Variants in ZNF516 observed in about 807,000 individuals in gnomAD.
ZNF516 encodes zinc finger protein 516.
Under a neutral mutation model 79.7 loss-of-function variants are expected in ZNF516, and 19 were observed. The ratio of observed to expected loss-of-function variants is 0.24; its 90% CI spans 0.17 to 0.35. ZNF516 has a LOEUF of 0.35. ZNF516 is among the 10% of genes least tolerant of loss of function. The pLI is 1.00. For synonymous variants in ZNF516, 877 were observed against 739.5 expected, an observed-to-expected ratio of 1.19 and a Z score of -3.02; for missense variants, 1,678 against 1,679.5, an observed-to-expected ratio of 1.00 and a Z score of 0.02.
intron 2 of ZNF516, among the ~76,000 whole-genome samples, chr18:76,458,039 A>G (rs188964279): frequency 6.6e-6 from 1 of 152,292 alleles, no homozygotes; most frequent in African/African-American, 2.4e-5. Flanking sequence ...TGCCTCACAC[A>G]TCAGGCGCAC....
intron 3 of ZNF516, among the ~76,000 whole-genome samples, chr18:76,416,449 G>T (rs1307143854): frequency 6.6e-6 from 1 of 152,158 alleles, no homozygotes; most frequent in Non-Finnish European, 1.5e-5. Context: ...TAACCAAGGA[G>T]GTATAAGTTA....
intron 3 of ZNF516, among the ~76,000 whole-genome samples, chr18:76,435,401 A>G (rs990243001): frequency 2.6e-5 from 4 of 152,254 alleles, no homozygotes; most frequent in Non-Finnish European, 4.4e-5. Context: ...TCAGAATACA[A>G]TAAAACGTAT....
chr18:76,384,316 C>A (rs2145075097), intron 3 of ZNF516, among the ~76,000 whole-genome samples: 1 of 133,606 alleles, frequency 7.5e-6, no homozygotes, highest in South Asian at 2.7e-4. Context: ...AGCCCCCATA[C>A]CCCCTCCACC....
intron 4 of ZNF516, among the ~76,000 whole-genome samples, chr18:76,375,456 T>A (rs1599141440): frequency 7.1e-6 from 1 of 141,190 alleles, no homozygotes; most frequent in South Asian, 2.4e-4. Context: ...GATGGATGGG[T>A]AGGTCCCGGA....
Position 76,468,417 on chromosome 18 carries a change from C to CTT in ZNF516, c.-271-5278_-271-5277dup, listed in dbSNP as rs58648821. 9.1e-3 allele frequency among the ~76,000 whole-genome samples: 1,155 copies of CTT among 127,392 alleles called. 35 individuals carry two copies. Among genetic ancestry groups the CTT allele is most frequent in the African/African-American group, 0.032 (1,080 of 33,350 alleles). 83.6% of individuals were successfully genotyped at this position (127,392 alleles called of 152,430 possible). ...TTTGTTTTAGGCTCATCATTAGTGT[C>CTT]TTTTTTTTTTTTTTTTTTTGAGACA... On this transcript the variant is annotated intron_variant, in intron 1 of 6. Coordinates refer to ENST00000443185, the MANE Select transcript of ZNF516 (RefSeq NM_014643.4).
intron 1 of ZNF516, among the ~76,000 whole-genome samples, chr18:76,478,959 G>A (rs889444916): frequency 1.3e-5 from 2 of 152,106 alleles, no homozygotes; most frequent in Admixed American, 1.3e-4. Flanking sequence ...GGGAGACTGA[G>A]GCACAAGAAT....
Position 76,379,442 on chromosome 18 carries a change from C to T in ZNF516, c.2672G>A (p.Cys891Tyr), listed in dbSNP as rs1453211052. 1 of 1,612,794 alleles carries T rather than the reference C, an allele frequency of 6.2e-7. No individual in the cohort carries two copies. Among genetic ancestry groups the T allele is most frequent in the Admixed American group, 1.7e-5 (1 of 59,982 alleles). Reference protein sequence around the residue: ...GPDGYRQTKPCHGQEPHGAAT... With the variant: ...GPDGYRQTKPYHGQEPHGAAT... Reference sequence around the variant, plus strand: ...CGCGCCATGTGGCTCCTGGCCGTGACAAGGTTTGGTCTGTCGATACCCGTC... The same window carrying T: ...CGCGCCATGTGGCTCCTGGCCGTGATAAGGTTTGGTCTGTCGATACCCGTC... Residue 891 changes from cysteine to tyrosine, a missense_variant, in exon 4 of 7, where the codon TGT (cysteine) becomes TAT (tyrosine). This residue lies in a region of ZNF516 where 1,294 missense variants were observed against 1,248.3 expected (regional missense o/e 1.04). Coordinates refer to ENST00000443185, the MANE Select transcript of ZNF516 (RefSeq NM_014643.4).
At chr18:76,458,908 AGAGT>A (rs1330639984) in intron 2 of ZNF516, among the ~76,000 whole-genome samples, 1 of 152,106 alleles carries the variant, frequency 6.6e-6, no homozygotes, top group Admixed American at 6.6e-5. Flanking sequence ...TGTAAAGGTT[AGAGT>A]GTGTGACAGT....
At chr18:76,477,143 C>A (rs1287315984) in intron 1 of ZNF516, among the ~76,000 whole-genome samples, 1 of 152,144 alleles carries the variant, frequency 6.6e-6, no homozygotes, top group Non-Finnish European at 1.5e-5. Flanking sequence ...TGAGTCATAT[C>A]GTTTGGACTT....
At chr18:76,431,298 C>T (rs1192108190) in intron 3 of ZNF516, among the ~76,000 whole-genome samples, 1 of 152,138 alleles carries the variant, frequency 6.6e-6, no homozygotes, top group African/African-American at 2.4e-5. Flanking sequence ...AACTTAAATG[C>T]TTCAAGCATT....
chr18:76,475,033 T>C (rs542509502), intron 1 of ZNF516, among the ~76,000 whole-genome samples: 5 of 152,194 alleles, frequency 3.3e-5, no homozygotes, highest in Non-Finnish European at 7.3e-5. Flanking sequence ...CTGAAATCTT[T>C]CACACATTTT....
intron 3 of ZNF516, among the ~76,000 whole-genome samples, chr18:76,403,355 C>T (rs959948806): frequency 6.6e-6 from 1 of 152,198 alleles, no homozygotes; most frequent in South Asian, 2.1e-4. Flanking sequence ...CGCACACCAA[C>T]ACAGGTACAC....
chr18:76,389,849 G>A (rs984452083), intron 3 of ZNF516, among the ~76,000 whole-genome samples: 3 of 152,212 alleles, frequency 2.0e-5, no homozygotes, highest in Non-Finnish European at 4.4e-5. Flanking sequence ...GGGGAGATGG[G>A]TGAGTCTGGA....
At chr18:76,428,089 A>G (rs1244726346) in intron 3 of ZNF516, among the ~76,000 whole-genome samples, 2 of 152,228 alleles carry the variant, frequency 1.3e-5, no homozygotes, top group African/African-American at 4.8e-5. Flanking sequence ...AATTTCACTT[A>G]AAGAAATCCA....
chr18:76,436,486 C>T (rs770633879), intron 3 of ZNF516, among the ~76,000 whole-genome samples: 13 of 152,172 alleles, frequency 8.5e-5, no homozygotes, highest in Non-Finnish European at 1.5e-4. Context: ...CAACCCATGA[C>T]TTGGCTTCAG....
intron 4 of ZNF516, among the ~76,000 whole-genome samples, chr18:76,377,876 T>C (rs1456289109): frequency 6.6e-6 from 1 of 152,018 alleles, no homozygotes; most frequent in African/African-American, 2.4e-5. Flanking sequence ...CCACCATGCC[T>C]GGCTAATTTT....
At chr18:76,478,530 A>C (rs1234381480) in intron 1 of ZNF516, among the ~76,000 whole-genome samples, 6 of 152,242 alleles carry the variant, frequency 3.9e-5, no homozygotes, top group Non-Finnish European at 5.9e-5. Flanking sequence ...ACAATTTTTT[A>C]ATCTACAAAA....
In ZNF516 at chr18:76,440,761, T is replaced by TGTGTGTGTGC. The variant is rs571461431; in HGVS notation, c.1810+483_1810+484insGCACACACAC. Among the ~76,000 whole-genome samples, 732 of 150,234 alleles carry TGTGTGTGTGC rather than the reference T, an allele frequency of 4.9e-3. 4 individuals are homozygous for TGTGTGTGTGC. Among genetic ancestry groups the TGTGTGTGTGC allele is most frequent in the Middle Eastern group, 0.01 (3 of 294 alleles). On this transcript the variant is annotated intron_variant, in intron 3 of 6. Transcript: ENST00000443185. Reference sequence around the variant, plus strand: ...GTGTGTTTGTGTGTGTGTGTGTGTGTGCGCGCACGCGCGCATGCATCGTAT... The same window carrying TGTGTGTGTGC: ...GTGTGTTTGTGTGTGTGTGTGTGTGTGTGTGTGTGCGCGCGCACGCGCGCATGCATCGTAT...
At chr18:76,430,543 T>C (rs1004419213) in intron 3 of ZNF516, among the ~76,000 whole-genome samples, 6 of 152,346 alleles carry the variant, frequency 3.9e-5, no homozygotes, top group Admixed American at 2.0e-4. Flanking sequence ...CCTAATTTCA[T>C]GACTTTGAAG....
Sources: gnomAD v4.1 joint callset for allele counts (sites outside exome capture counted in the v4.1 genomes callset) on GRCh38, gnomAD v4.1.1 for gene constraint, gnomAD v4.1.1 regional missense constraint, MANE v1.5 for transcripts, NCBI Gene and HGNC (gene_info 2026-07-23, HGNC 2026-07-21) for gene names.